Variants in MASP1 observed in about 807,000 individuals in gnomAD.
MASP1 encodes mannan-binding lectin serine protease 1.
MASP1 carries 59 observed loss-of-function variants against 77.1 expected under a neutral mutation model. That is an observed-to-expected ratio of 0.77 (90% CI 0.62 to 0.95). The LOEUF (loss-of-function observed/expected upper bound fraction) is 0.95. Ranked by LOEUF, MASP1 falls within the 40% of genes least tolerant of loss-of-function variation. The pLI is 0.00. For missense variants in MASP1, 885 were observed against 912.9 expected, an observed-to-expected ratio of 0.97 and a Z score of 0.39; for synonymous variants, 362 against 354.5, an observed-to-expected ratio of 1.02 and a Z score of -0.24.
In MASP1 at chr3:187,235,256, A is replaced by C. The variant is rs974538011; in HGVS notation, c.*428T>G. The stretch of plus-strand genomic sequence containing the variant: ...AGGAAAATATACAGATGCGGCATTC[A>C]GTTCAATGTTAGAAACCATTTTCTA... On this transcript the variant is annotated 3_prime_UTR_variant, in exon 11 of 11. Coordinates refer to ENST00000296280, the MANE Select transcript of MASP1 (RefSeq NM_139125.4). 3.9e-6 allele frequency: 5 copies of C among 1,295,180 alleles called. No homozygotes were observed. The African/African-American group carries it at 7.6e-5, about 20-fold the overall frequency. 80.2% of individuals were successfully genotyped at this position (1,295,180 alleles called of 1,614,324 possible).
chr3:187,228,056 G>A (rs111887654), intron 11 of MASP1, among the ~76,000 whole-genome samples: 14 of 152,138 alleles, frequency 9.2e-5, no homozygotes, highest in Admixed American at 4.6e-4. Context: ...CAGCTTGGCC[G>A]AGGGTAGAGA....
At chr3:187,237,936 G>A (rs543175226) in intron 10 of MASP1, among the ~76,000 whole-genome samples, 1 of 152,220 alleles carries the variant, frequency 6.6e-6, no homozygotes, top group Admixed American at 6.5e-5. Context: ...CCTGAGGCCA[G>A]ATGCTTCTTG....
chr3:187,244,078 AC>A (rs1713883069), intron 8 of MASP1: 3 of 204,630 alleles, frequency 1.5e-5, no homozygotes, highest in Non-Finnish European at 1.0e-5. Flanking sequence ...AGGCTGAGTA[AC>A]AGCAGCTAAT....
chr3:187,282,639 T>C (rs539193899), intron 2 of MASP1, among the ~76,000 whole-genome samples: 2 of 152,078 alleles, frequency 1.3e-5, no homozygotes, highest in South Asian at 4.2e-4. Context: ...GGCAACTCAC[T>C]GGGTGTGTGT....
intron 3 of MASP1, among the ~76,000 whole-genome samples, chr3:187,262,111 C>A (rs1354293040): frequency 6.6e-6 from 1 of 152,120 alleles, no homozygotes; most frequent in African/African-American, 2.4e-5. Context: ...CACAAAGGAA[C>A]CCCCTGGGCT....
intron 2 of MASP1, among the ~76,000 whole-genome samples, chr3:187,271,716 C>T (rs1446000503): frequency 7.2e-5 from 11 of 152,114 alleles, no homozygotes; most frequent in Non-Finnish European, 1.5e-4. Flanking sequence ...CTAGCTTCCA[C>T]CCCATGGTAT....
intron 8 of MASP1, chr3:187,247,236 G>A (rs1458466221): frequency 6.2e-7 from 1 of 1,608,530 alleles, no homozygotes. Context: ...AGGGGCACGG[G>A]GGTGTTGTGG....
chr3:187,228,367 G>A (rs1489781056), intron 11 of MASP1, among the ~76,000 whole-genome samples: 2 of 151,386 alleles, frequency 1.3e-5, no homozygotes, highest in Non-Finnish European at 2.9e-5. Flanking sequence ...TCTCTTACTT[G>A]CCCTCTAACA....
At chr3:187,225,580 C>T (rs1712377795) in intron 12 of MASP1, 3 of 1,525,932 alleles carry the variant, frequency 2.0e-6, no homozygotes, top group South Asian at 2.2e-5. Flanking sequence ...CCCTGTCAGC[C>T]CCCGCCCCAG....
At position 187,235,647 on chromosome 3, in the gene MASP1, C is replaced by T. The variant is rs1370337661; in HGVS notation, c.*37G>A. ...TGCTGTCGGAAGTGCGGTGTAGCTT[C>T]GCTCAGGGGAGGCAGGCCCCGAGGA... is the stretch of plus-strand genomic sequence containing the variant. On this transcript the variant is annotated 3_prime_UTR_variant, in exon 11 of 11. Coordinates refer to ENST00000296280, the MANE Select transcript of MASP1 (RefSeq NM_139125.4). 17 of 1,612,280 alleles carry T rather than the reference C, an allele frequency of 1.1e-5. No homozygotes were observed. The highest frequency in any genetic ancestry group is 5.0e-5 in the Admixed American group (3 of 60,004).
At chr3:187,284,253 G>T (rs545188892) in intron 2 of MASP1, among the ~76,000 whole-genome samples, 1 of 152,044 alleles carries the variant, frequency 6.6e-6, no homozygotes, top group Non-Finnish European at 1.5e-5. Context: ...AATTTCCACC[G>T]TCCCTAGCAC....
At chr3:187,219,868 G>T (rs1194020175) in exon 16 of MASP1, 2 of 618,704 alleles carry the variant, frequency 3.2e-6, no homozygotes, top group Admixed American at 2.4e-5. Context: ...CCTGGATTCG[G>T]CCTGTGTTCT....
intron 2 of MASP1, among the ~76,000 whole-genome samples, chr3:187,278,953 G>A (rs986198228): frequency 3.3e-5 from 5 of 152,046 alleles, no homozygotes; most frequent in African/African-American, 1.2e-4. Context: ...ACCCTCGACT[G>A]TGTCACATCC....
chr3:187,291,618 T>C lies in MASP1; in HGVS notation c.5+10A>G. 2 of 1,614,202 alleles carry C rather than the reference T, an allele frequency of 1.2e-6. No homozygotes were observed. The highest frequency in any genetic ancestry group is 1.7e-6 in the Non-Finnish European group (2 of 1,180,012). ...AAGGGAACCGTGCCCTCTCCTCCCCTGGCACGTACCTCATTTTCCTGCCTT... is the reference window on the plus strand; with the variant it reads ...AAGGGAACCGTGCCCTCTCCTCCCCCGGCACGTACCTCATTTTCCTGCCTT... On this transcript the variant is annotated intron_variant, in intron 1 of 10. Coordinates refer to ENST00000296280, the MANE Select transcript of MASP1 (RefSeq NM_139125.4).
chr3:187,253,256 G>A lies in MASP1; in HGVS notation c.804C>T (p.Ile268=). The change falls in exon 6 of 11, where the codon ATC becomes ATT. Residue 268 remains isoleucine (I), a synonymous_variant. Transcript: ENST00000296280. Reference sequence around the variant, plus strand: ...TCAGGACACTGTGGCTCTGGGTGCTGATGGGTTCTGGGGCTTTCTCTCCAC... The same window carrying A: ...TCAGGACACTGTGGCTCTGGGTGCTAATGGGTTCTGGGGCTTTCTCTCCAC... ...PFCGEKAPEP[I]STQSHSVLIL... The A allele has an allele frequency of 1.9e-6, 3 of 1,614,162 alleles. No individual in the cohort carries two copies. Among genetic ancestry groups the A allele is most frequent in the Non-Finnish European group, 2.5e-6 (3 of 1,180,022 alleles).
chr3:187,243,453 G>A, intron 9 of MASP1, 31 bp downstream of exon 9: 1 of 1,613,726 alleles, frequency 6.2e-7, no homozygotes. Flanking sequence ...GTGTGAAACG[G>A]GAGTGGGATG....
chr3:187,250,234 C>T lies in MASP1; in HGVS notation c.1090+17G>A, dbSNP rs766543841. On this transcript the variant is annotated intron_variant, in intron 8 of 10. Transcript: ENST00000296280. ...GGGAGCTCAGTATCTTTATAACAAC[C>T]CATTAGGCTTTCTTACTTTTACAGG... 2 of 1,606,380 alleles carry T rather than the reference C, an allele frequency of 1.2e-6. No homozygotes were observed. The highest frequency in any genetic ancestry group is 1.7e-5 in the Admixed American group (1 of 60,002).
intron 2 of MASP1, among the ~76,000 whole-genome samples, chr3:187,272,406 G>A (rs1347370955): frequency 6.6e-6 from 1 of 152,130 alleles, no homozygotes; most frequent in Non-Finnish European, 1.5e-5. Context: ...CTGTACTGTA[G>A]GGTGAATTGT....
chr3:187,238,156 T>G (rs1713326488), intron 10 of MASP1, among the ~76,000 whole-genome samples: 1 of 152,216 alleles, frequency 6.6e-6, no homozygotes, highest in Non-Finnish European at 1.5e-5. Context: ...GTCTATGGCT[T>G]GGTCCATGGT....
Sources: allele counts gnomAD v4.1 joint callset (sites outside exome capture counted in the v4.1 genomes callset), GRCh38; gene constraint gnomAD v4.1.1; transcripts MANE v1.5; gene names NCBI Gene and HGNC (gene_info 2026-07-23, HGNC 2026-07-21).